GFPT2: variants seen among roughly 807,000 people sequenced by gnomAD.
GFPT2 encodes the protein glutamine--fructose-6-phosphate aminotransferase [isomerizing] 2.
A neutral mutation model predicts 85.6 loss-of-function variants in GFPT2; 62 were observed. The observed-to-expected ratio is 0.72, with a 90% CI of 0.59 to 0.90. GFPT2 has a LOEUF of 0.90. Ranked by LOEUF, GFPT2 falls within the 40% of genes least tolerant of loss-of-function variation. The probability of loss-of-function intolerance (pLI) is 0.00; values close to 1 mark genes in which losing one functional copy is unlikely to be tolerated. For missense variants in GFPT2, 788 were observed against 893.4 expected (o/e 0.88, Z 1.50); for synonymous variants, 368 against 344.5 (o/e 1.07, Z -0.75).
chr5:180,315,227 G>T (rs111476254), intron 13 of GFPT2, among the ~76,000 whole-genome samples: 3,450 of 151,480 alleles, frequency 0.023, 113 homozygotes, highest in East Asian at 0.14. Flanking sequence ...GCCCAGGCTG[G>T]AGTGCAGTGG....
intron 15 of GFPT2, among the ~76,000 whole-genome samples, chr5:180,309,659 G>A (rs1017542338): frequency 2.6e-5 from 4 of 151,524 alleles, no homozygotes; most frequent in African/African-American, 4.9e-5. Context: ...TGATCCGCTC[G>A]CCTTGGCCTC....
At chr5:180,325,286 G>A (rs541809508) in intron 7 of GFPT2, among the ~76,000 whole-genome samples, 35 of 152,246 alleles carry the variant, frequency 2.3e-4, no homozygotes, top group Admixed American at 1.2e-3. Context: ...CGACGGCAGC[G>A]CATCCCTATA....
chr5:180,319,274 T>G (rs556416547), intron 9 of GFPT2, among the ~76,000 whole-genome samples: 69 of 152,382 alleles, frequency 4.5e-4, no homozygotes, highest in South Asian at 1.5e-3. Context: ...TGTTCCTTTA[T>G]ATCATCAAAT....
chr5:180,320,692 A>G (rs746545821), intron 9 of GFPT2, among the ~76,000 whole-genome samples: 22 of 152,176 alleles, frequency 1.4e-4, no homozygotes, highest in Non-Finnish European at 2.6e-4. Context: ...ACTTGAACCC[A>G]GGAGGCGGAG....
intron 4 of GFPT2, 87 bp downstream of exon 4, chr5:180,335,741 G>T (rs1764379909): frequency 1.5e-6 from 2 of 1,347,518 alleles, no homozygotes; most frequent in Middle Eastern, 2.5e-4. Context: ...AGTTAGAGGT[G>T]GGCGCGGAAC....
chr5:180,312,376 C>A, intron 15 of GFPT2, 54 bp downstream of exon 15: 2 of 918,548 alleles, frequency 2.2e-6, no homozygotes, highest in Non-Finnish European at 3.7e-6. Flanking sequence ...CAGAGAATGG[C>A]CAGCAACAGT....
At chr5:180,314,185 G>C (rs984753876) in intron 13 of GFPT2, among the ~76,000 whole-genome samples, 1 of 152,156 alleles carries the variant, frequency 6.6e-6, no homozygotes, top group Non-Finnish European at 1.5e-5. Flanking sequence ...TAAATCTCGT[G>C]ACAACCCCGT....
At chr5:180,333,407 T>C (rs1267424276) in intron 4 of GFPT2, among the ~76,000 whole-genome samples, 1 of 152,136 alleles carries the variant, frequency 6.6e-6, no homozygotes, top group Non-Finnish European at 1.5e-5. Flanking sequence ...GCTAATTTTT[T>C]GTATTTTTAG....
chr5:180,313,428 A>C (rs1249650492), intron 14 of GFPT2, among the ~76,000 whole-genome samples: 1 of 146,688 alleles, frequency 6.8e-6, no homozygotes, highest in African/African-American at 2.5e-5. Flanking sequence ...CGTCTCTACT[A>C]AAAATACAAA....
At chr5:180,331,964 C>G (rs931800008) in intron 4 of GFPT2, among the ~76,000 whole-genome samples, 11 of 152,188 alleles carry the variant, frequency 7.2e-5, no homozygotes, top group African/African-American at 2.4e-4. Flanking sequence ...ACAAAGAGGT[C>G]GCAAAGAACA....
Position 180,318,946 on chromosome 5 carries a change from C to A in GFPT2, c.805G>T (p.Glu269Ter). 1 of 1,612,756 alleles carries A rather than the reference C, an allele frequency of 6.2e-7. No homozygotes were observed. The highest frequency in any genetic ancestry group is 1.1e-5 in the South Asian group (1 of 91,072). ...AGGAAGATGACCCGGTTGGTGTGCT[C>A]TATGATAGCGCTGGGGCAAGGGAAA... is the stretch of plus-strand genomic sequence containing the variant. ...FFASDASAII[E>*]HTNRVIFLED... Residue 269 changes from glutamate to a stop codon, truncating the protein, a stop_gained, in exon 10 of 19, where the codon GAG becomes TAG. Transcript: ENST00000253778. LOFTEE classifies it high-confidence loss of function. The surrounding 1 kb of genome is among the most constrained non-coding windows in gnomAD (Gnocchi z 4.2).
chr5:180,348,509 G>A (rs943600955), intron 1 of GFPT2, among the ~76,000 whole-genome samples: 13 of 152,214 alleles, frequency 8.5e-5, no homozygotes, highest in Admixed American at 6.5e-4. Flanking sequence ...GTGATCCCAC[G>A]CCAGGCTCTT....
At chr5:180,336,618 T>C in intron 2 of GFPT2, 41 bp from the exon 3 acceptor site, 1 of 1,321,984 alleles carries the variant, frequency 7.6e-7, no homozygotes, top group Non-Finnish European at 1.1e-6. Context: ...AACCAAAGCT[T>C]TTTCTCACAC....
chr5:180,308,377 A>T lies in GFPT2; in HGVS notation c.1547-1074T>A, dbSNP rs563371269. ...TTCATTTCCAACAAGAATTAGTGAG[A>T]AGAATGGCACTGCTTTTTGTTCTTG... On this transcript the variant is annotated intron_variant, in intron 15 of 18. Coordinates refer to ENST00000253778, the MANE Select transcript of GFPT2 (RefSeq NM_005110.4). 5.3e-5 allele frequency among the ~76,000 whole-genome samples: 8 copies of T among 152,370 alleles called. No individual in the cohort carries two copies. The South Asian group carries it at 6.2e-4, about 12-fold the overall frequency.
intron 6 of GFPT2, among the ~76,000 whole-genome samples, chr5:180,329,987 C>T (rs574721429): frequency 4.6e-5 from 7 of 152,318 alleles, no homozygotes; most frequent in Non-Finnish European, 5.9e-5. Context: ...CTCTTTTGGG[C>T]CATTCCGTTC....
Position 180,337,062 on chromosome 5 carries a change from A to C in GFPT2, c.116-485T>G, listed in dbSNP as rs1688962151. 5.3e-5 allele frequency among the ~76,000 whole-genome samples: 8 copies of C among 152,372 alleles called. 1 individual carries two copies. In the South Asian group the frequency reaches 1.7e-3, roughly 32 times the overall value. On this transcript the variant is annotated intron_variant, in intron 2 of 18. Coordinates refer to ENST00000253778, the MANE Select transcript of GFPT2 (RefSeq NM_005110.4). ...TCAGGCTGCATAATTAAACAAGGTC[A>C]ACAGACTAAACATCCACCTTTGCAG...
chr5:180,316,267 C>A, intron 13 of GFPT2, 74 bp downstream of exon 13: 1 of 1,513,700 alleles, frequency 6.6e-7, no homozygotes, highest in Non-Finnish European at 9.1e-7. Context: ...GAGGACTTAA[C>A]TGAATGAAGG....
In GFPT2 at chr5:180,301,579, A is replaced by G. The variant is rs769794640; in HGVS notation, c.2034T>C (p.Ser678=). Residue 678 remains serine (S), a synonymous_variant, in exon 19 of 19, where the codon TCT becomes TCC. Coordinates refer to ENST00000253778, the MANE Select transcript of GFPT2 (RefSeq NM_005110.4). ...GGTCTCAGCCTCATTCCACAGTTACAGACTTGGCCAGATTTCTGGGGAAGT... is the reference window on the plus strand; with the variant it reads ...GGTCTCAGCCTCATTCCACAGTTACGGACTTGGCCAGATTTCTGGGGAAGT... ...DVDFPRNLAK[S]VTVE 6.2e-7 allele frequency: 1 copy of G among 1,613,650 alleles called. No homozygotes were observed. The highest frequency in any genetic ancestry group is 1.1e-5 in the South Asian group (1 of 91,066).
intron 1 of GFPT2, among the ~76,000 whole-genome samples, chr5:180,347,722 G>C (rs899925136): frequency 2.0e-5 from 3 of 152,156 alleles, no homozygotes; most frequent in African/African-American, 7.2e-5. Context: ...GGCCAGCGCA[G>C]GGAGATGATA....
Sources: gnomAD v4.1 joint callset for allele counts (sites outside exome capture counted in the v4.1 genomes callset) on GRCh38, gnomAD v4.1.1 for gene constraint, Gnocchi (gnomAD v3.1) non-coding constraint, MANE v1.5 for transcripts, NCBI Gene and HGNC (gene_info 2026-07-23, HGNC 2026-07-21) for gene names.